Variants in SATL1 observed in about 807,000 individuals in gnomAD.
The protein encoded by SATL1 is spermidine/spermine N1-acetyl transferase like 1.
SATL1 carries 47 observed loss-of-function variants against 51.8 expected under a neutral mutation model. The ratio of observed to expected loss-of-function variants is 0.91; its 90% CI spans 0.72 to 1.16. The LOEUF is 1.16. Among genes scored for constraint, SATL1 ranks in the 50% most tolerant of loss-of-function variants. SATL1 has a pLI of 0.00. For synonymous variants in SATL1, 176 were observed against 182.4 expected (o/e 0.97, Z 0.28); for missense variants, 520 against 526.4 (o/e 0.99, Z 0.12).
intron 2 of SATL1, among the ~76,000 whole-genome samples, chrX:85,188,808 C>G (rs1383694799): frequency 8.9e-6 from 1 of 111,839 alleles, no homozygotes; most frequent in Non-Finnish European, 1.9e-5. Flanking sequence ...GTGCTATGCA[C>G]CTTGTGAATG....
intron 2 of SATL1, among the ~76,000 whole-genome samples, chrX:85,173,680 T>TA (rs1258840364): frequency 9.1e-6 from 1 of 109,762 alleles, no homozygotes; most frequent in Non-Finnish European, 1.9e-5. Flanking sequence ...ACACACACGT[T>TA]AAAAAAAAAT....
At chrX:85,094,741 C>T (rs185113181) in intron 5 of SATL1, among the ~76,000 whole-genome samples, 175 bp downstream of exon 5, 2 of 111,251 alleles carry the variant, frequency 1.8e-5, no homozygotes, top group Non-Finnish European at 3.8e-5. Flanking sequence ...GACCCTGTCT[C>T]TTAATAATAA....
intron 2 of SATL1, among the ~76,000 whole-genome samples, chrX:85,204,401 A>T (rs1207408929): frequency 9.0e-6 from 1 of 110,533 alleles, no homozygotes; most frequent in Non-Finnish European, 1.9e-5. Context: ...CATCTTGGCC[A>T]CTCCTCCCAT....
chrX:85,183,178 AT>A (rs950647745), intron 2 of SATL1, among the ~76,000 whole-genome samples: 1 of 110,767 alleles, frequency 9.0e-6, no homozygotes, highest in Non-Finnish European at 1.9e-5. Flanking sequence ...GATTTCCCTT[AT>A]TTTTTTAACT....
At chrX:85,140,998 AT>A (rs1171917561) in intron 2 of SATL1, among the ~76,000 whole-genome samples, 9 of 111,280 alleles carry the variant, frequency 8.1e-5, no homozygotes, top group Non-Finnish European at 1.7e-4. Flanking sequence ...CAAGGACCCT[AT>A]TTTTTTCCCC....
intron 4 of SATL1, among the ~76,000 whole-genome samples, chrX:85,099,310 T>C (rs1020171935): frequency 9.0e-6 from 1 of 111,458 alleles, no homozygotes; most frequent in African/African-American, 3.3e-5. Flanking sequence ...TCATCACTGG[T>C]GAATTCTACC....
At chrX:85,165,904 G>A (rs754102978) in intron 2 of SATL1, among the ~76,000 whole-genome samples, 1 of 111,770 alleles carries the variant, frequency 8.9e-6, no homozygotes, top group East Asian at 2.8e-4. Context: ...TACTAAAGCA[G>A]CATGGCACTG....
chrX:85,221,428 C>T (rs1288396112), intron 2 of SATL1, among the ~76,000 whole-genome samples: 1 of 111,812 alleles, frequency 8.9e-6, no homozygotes, highest in Non-Finnish European at 1.9e-5. Flanking sequence ...TGCAAAGCCC[C>T]ATAATTAGTG....
chrX:85,093,616 C>A (rs1324333871), intron 6 of SATL1, among the ~76,000 whole-genome samples: 1 of 112,558 alleles, frequency 8.9e-6, no homozygotes, highest in Non-Finnish European at 1.9e-5. Flanking sequence ...CACCTGTAAT[C>A]CCAGCACTTT....
At chrX:85,237,845 C>T (rs1461277652) in intron 1 of SATL1, among the ~76,000 whole-genome samples, 1 of 103,097 alleles carries the variant, frequency 9.7e-6, no homozygotes, top group Non-Finnish European at 1.9e-5. Flanking sequence ...AGAATATATA[C>T]AGAGCTCAAA....
At chrX:85,131,687 CATT>C (rs960066257) in intron 2 of SATL1, among the ~76,000 whole-genome samples, 2 of 111,468 alleles carry the variant, frequency 1.8e-5, no homozygotes, top group Admixed American at 9.6e-5. Flanking sequence ...TTGATCCTGT[CATT>C]ATGATGTCAG....
intron 2 of SATL1, among the ~76,000 whole-genome samples, chrX:85,111,017 A>G: frequency 8.8e-6 from 1 of 113,013 alleles, no homozygotes; most frequent in East Asian, 2.8e-4. Flanking sequence ...AAAAGTCCAG[A>G]CAAAACAAGG....
intron 2 of SATL1, among the ~76,000 whole-genome samples, chrX:85,128,209 G>A (rs1245816308): frequency 9.0e-6 from 1 of 111,516 alleles, no homozygotes; most frequent in Non-Finnish European, 1.9e-5. Flanking sequence ...CTAGATCCTT[G>A]AGGAATCGCC....
At chrX:85,242,168 ACC>A (rs1928620867) in intron 1 of SATL1, among the ~76,000 whole-genome samples, 4 of 112,282 alleles carry the variant, frequency 3.6e-5, no homozygotes, top group Non-Finnish European at 5.6e-5. Flanking sequence ...CCCACAGTGT[ACC>A]ATTCACAAAG....
At chrX:85,146,119 C>T (rs1366220401) in intron 2 of SATL1, among the ~76,000 whole-genome samples, 1 of 110,777 alleles carries the variant, frequency 9.0e-6, no homozygotes, top group Non-Finnish European at 1.9e-5. Flanking sequence ...AGGCTGATCT[C>T]GTTCTCCTGA....
chrX:85,120,318 A>G (rs1925476720), intron 2 of SATL1, among the ~76,000 whole-genome samples: 1 of 111,729 alleles, frequency 9.0e-6, no homozygotes, highest in Non-Finnish European at 1.9e-5. Context: ...GTTTAGAAGG[A>G]AATCCCAGCT....
chrX:85,196,840 A>T (rs551614744), intron 2 of SATL1, among the ~76,000 whole-genome samples: 1 of 111,999 alleles, frequency 8.9e-6, no homozygotes, highest in East Asian at 2.8e-4. Context: ...ATATAAAATT[A>T]ACTAAAAACA....
chrX:85,235,144 A>G (rs1928454690), intron 1 of SATL1, among the ~76,000 whole-genome samples: 1 of 111,431 alleles, frequency 9.0e-6, no homozygotes, highest in African/African-American at 3.3e-5. Context: ...TTAATGATAA[A>G]AGTGTCAATT....
intron 2 of SATL1, among the ~76,000 whole-genome samples, chrX:85,180,148 A>C (rs2147739375): frequency 9.0e-6 from 1 of 111,318 alleles, no homozygotes; most frequent in African/African-American, 3.2e-5. Context: ...GAGGTCAAAA[A>C]GGATTTAAAT....
Sources: gnomAD v4.1 joint callset for allele counts (sites outside exome capture counted in the v4.1 genomes callset) on GRCh38, gnomAD v4.1.1 for gene constraint, MANE v1.5 for transcripts, NCBI Gene and HGNC (gene_info 2026-07-23, HGNC 2026-07-21) for gene names.